The following INPP4B variants were observed in gnomAD, a reference collection of about 807,000 sequenced individuals.
INPP4B encodes the protein inositol polyphosphate-4-phosphatase type II B.
A neutral mutation model predicts 122.5 loss-of-function variants in INPP4B; 55 were observed. The ratio of observed to expected loss-of-function variants is 0.45; its 90% CI spans 0.36 to 0.56. The LOEUF (loss-of-function observed/expected upper bound fraction) is 0.56, where lower values mean the gene tolerates loss of function less well. Among genes scored for constraint, INPP4B ranks in the 20% least tolerant of loss-of-function variants. The pLI, the probability that INPP4B is intolerant of heterozygous loss-of-function variation, is 0.00. For synonymous variants in INPP4B, 403 were observed against 388.7 expected, an observed-to-expected ratio of 1.04 and a Z score of -0.43; for missense variants, 1,000 against 1,097.7, an observed-to-expected ratio of 0.91 and a Z score of 1.26.
At position 142,450,288 on chromosome 4, in the gene INPP4B, T is replaced by C. The variant is rs539547454; in HGVS notation, c.-127+12375A>G. 2.0e-3 allele frequency among the ~76,000 whole-genome samples: 299 copies of C among 152,300 alleles called. 1 individual carries two copies. Among genetic ancestry groups the C allele is most frequent in the Middle Eastern group, 0.014 (4 of 294 alleles). On this transcript the variant is annotated intron_variant, in intron 3 of 25. Coordinates refer to ENST00000262992, the MANE Select transcript of INPP4B (RefSeq NM_001101669.3). Reference sequence around the variant, plus strand: ...TGTGTTGGAGGTTAGCAAGGACAGTTAGAGCACAGCTCACAATAACTACTG... The same window carrying C: ...TGTGTTGGAGGTTAGCAAGGACAGTCAGAGCACAGCTCACAATAACTACTG...
chr4:142,773,511 G>A (rs759589583), intron 1 of INPP4B, among the ~76,000 whole-genome samples: 3 of 151,940 alleles, frequency 2.0e-5, no homozygotes, highest in Admixed American at 6.6e-5. Context: ...CTATACATTC[G>A]GTATACTAGG....
chr4:142,692,105 T>C (rs1760271834), intron 2 of INPP4B, among the ~76,000 whole-genome samples: 1 of 152,166 alleles, frequency 6.6e-6, no homozygotes, highest in Non-Finnish European at 1.5e-5. Context: ...CAAATCAGAT[T>C]AGGTTATCAT....
At chr4:142,526,745 G>T (rs1826967411) in intron 2 of INPP4B, among the ~76,000 whole-genome samples, 1 of 151,942 alleles carries the variant, frequency 6.6e-6, no homozygotes, top group Non-Finnish European at 1.5e-5. Context: ...TTTCTCATAT[G>T]CTTTTCCTTT....
At chr4:142,491,123 T>G (rs1333582508) in intron 2 of INPP4B, among the ~76,000 whole-genome samples, 1 of 147,666 alleles carries the variant, frequency 6.8e-6, no homozygotes, top group Non-Finnish European at 1.5e-5. Context: ...TATTTTTAAT[T>G]TTTTGGGGGC....
intron 2 of INPP4B, among the ~76,000 whole-genome samples, chr4:142,633,683 G>C (rs1407195343): frequency 6.6e-6 from 1 of 151,968 alleles, no homozygotes. Flanking sequence ...AATTTAGAAA[G>C]TAAAAGGCAG....
intron 2 of INPP4B, among the ~76,000 whole-genome samples, chr4:142,708,431 T>C (rs1304323900): frequency 6.6e-6 from 1 of 152,142 alleles, no homozygotes; most frequent in African/African-American, 2.4e-5. Context: ...GCCTCTCCCA[T>C]CACAGGCCCA....
chr4:142,841,583 T>C (rs1783496272), intron 1 of INPP4B, among the ~76,000 whole-genome samples: 2 of 151,894 alleles, frequency 1.3e-5, no homozygotes, highest in East Asian at 1.9e-4. Context: ...GTCAAATTTT[T>C]CATAGTAAAA....
chr4:142,474,821 C>T (rs891009924), intron 2 of INPP4B, among the ~76,000 whole-genome samples: 14 of 152,120 alleles, frequency 9.2e-5, no homozygotes, highest in African/African-American at 3.4e-4. Context: ...GCTAGGCAAG[C>T]CACACCTGCT....
intron 2 of INPP4B, among the ~76,000 whole-genome samples, chr4:142,612,030 A>G (rs1433611931): frequency 1.3e-5 from 2 of 152,174 alleles, no homozygotes; most frequent in Non-Finnish European, 2.9e-5. Flanking sequence ...ACAGGTTTAC[A>G]TGCATTATTT....
intron 2 of INPP4B, among the ~76,000 whole-genome samples, chr4:142,665,016 A>G (rs1580662311): frequency 6.6e-6 from 1 of 152,210 alleles, no homozygotes; most frequent in Non-Finnish European, 1.5e-5. Context: ...ACTACAGCCA[A>G]TTGTAACACA....
intron 2 of INPP4B, among the ~76,000 whole-genome samples, chr4:142,554,555 A>G (rs1728738815): frequency 6.6e-6 from 1 of 152,100 alleles, no homozygotes; most frequent in Admixed American, 6.5e-5. Context: ...TGGACAAGGT[A>G]CTGTGAGATT....
chr4:142,841,905 C>T (rs1350181371), intron 1 of INPP4B, among the ~76,000 whole-genome samples: 2 of 151,632 alleles, frequency 1.3e-5, no homozygotes, highest in African/African-American at 4.8e-5. Context: ...AGTAATTTCA[C>T]CATTGTTTTT....
intron 2 of INPP4B, among the ~76,000 whole-genome samples, chr4:142,501,245 G>A (rs1004339090): frequency 1.4e-4 from 22 of 152,106 alleles, no homozygotes; most frequent in African/African-American, 4.6e-4. Flanking sequence ...GGAAGCCAGC[G>A]CCCTTAACCC....
chr4:142,543,251 T>A (rs1410788102), intron 2 of INPP4B, among the ~76,000 whole-genome samples: 1 of 152,164 alleles, frequency 6.6e-6, no homozygotes. Context: ...AAATAAATGC[T>A]GTTTCCAATT....
intron 14 of INPP4B, among the ~76,000 whole-genome samples, chr4:142,198,907 G>A (rs988408384): frequency 6.6e-6 from 1 of 151,550 alleles, no homozygotes; most frequent in Non-Finnish European, 1.5e-5. Context: ...TCATTTTTCT[G>A]TTCTTTACCC....
chr4:142,347,806 G>T (rs1780756017), intron 7 of INPP4B, among the ~76,000 whole-genome samples: 1 of 152,016 alleles, frequency 6.6e-6, no homozygotes, highest in East Asian at 1.9e-4. Context: ...TAGCAGCAGA[G>T]GTGGTTCAGA....
chr4:142,526,920 A>C (rs2149962458), intron 2 of INPP4B, among the ~76,000 whole-genome samples: 1 of 152,190 alleles, frequency 6.6e-6, no homozygotes, highest in Admixed American at 6.6e-5. Context: ...AAAAGCTTTA[A>C]AATTTCAAAT....
chr4:142,490,262 T>C (rs938981694), intron 2 of INPP4B, among the ~76,000 whole-genome samples: 3 of 151,880 alleles, frequency 2.0e-5, no homozygotes, highest in Admixed American at 6.6e-5. Context: ...TTTTTATATA[T>C]ATATTTTGTA....
At chr4:142,429,240 C>T in intron 4 of INPP4B, 23 bp from the exon 5 acceptor site, 1 of 1,418,150 alleles carries the variant, frequency 7.1e-7, no homozygotes, top group Non-Finnish European at 9.8e-7. Context: ...GGAGCAAATT[C>T]AGATTTTTAA....
Sources: gnomAD v4.1 joint callset for allele counts (sites outside exome capture counted in the v4.1 genomes callset) on GRCh38, gnomAD v4.1.1 for gene constraint, MANE v1.5 for transcripts, NCBI Gene and HGNC (gene_info 2026-07-23, HGNC 2026-07-21) for gene names.